The following TLN2 variants were observed in gnomAD, a reference collection of about 807,000 sequenced individuals.
The protein encoded by TLN2 is talin-2.
TLN2 carries 118 observed loss-of-function variants against 294.7 expected under a neutral mutation model. The ratio of observed to expected loss-of-function variants is 0.40; its 90% CI spans 0.34 to 0.47. TLN2 has a LOEUF of 0.47. Among genes scored for constraint, TLN2 ranks in the 20% least tolerant of loss-of-function variants. The pLI is 0.84. For missense variants in TLN2, 3,083 were observed against 3,282.2 expected (o/e 0.94, Z 1.48); for synonymous variants, 1,431 against 1,304.5 (o/e 1.10, Z -2.09).
At chr15:62,704,864 G>C (rs1052943890) in intron 19 of TLN2, among the ~76,000 whole-genome samples, 2 of 152,200 alleles carry the variant, frequency 1.3e-5, no homozygotes, top group Non-Finnish European at 2.9e-5. Flanking sequence ...TTTGTAGGCA[G>C]GTACCTATTT....
At chr15:62,767,330 TTTTC>T (rs2063070769) in intron 41 of TLN2, among the ~76,000 whole-genome samples, 1 of 149,640 alleles carries the variant, frequency 6.7e-6, no homozygotes, top group Non-Finnish European at 1.5e-5. Flanking sequence ...TTTTCTTTTC[TTTTC>T]TTTTCTTTTC....
chr15:62,686,680 C>T lies in TLN2; in HGVS notation c.997C>T (p.Leu333=). 1 of 1,613,976 alleles carries T rather than the reference C, an allele frequency of 6.2e-7. No individual in the cohort carries two copies. The highest frequency in any genetic ancestry group is 8.5e-7 in the Non-Finnish European group (1 of 1,179,928). The change falls in exon 12 of 59, where the codon CTG becomes TTG. Residue 333 remains leucine (L), a synonymous_variant. Transcript: ENST00000636159. ...KGKNKLVPRL[L]GITKDSVMRV... is the part of the protein sequence containing the mutation. ...CAAGAACAAGCTGGTGCCTCGCCTG[C>T]TGGGGATCACCAAAGACTCGGTGAT...
chr15:62,772,469 C>T (rs1028901971), intron 42 of TLN2, among the ~76,000 whole-genome samples: 1 of 152,004 alleles, frequency 6.6e-6, no homozygotes, highest in Non-Finnish European at 1.5e-5. Context: ...CGATAGGGTG[C>T]CCTGCAGTCG....
rs145081974 is a variant in TLN2, at chr15:62,839,630, C to G, written c.7500+649C>G. Reference sequence around the variant, plus strand: ...CTTAAACTTTCTGATGTGTCTCCATCTCGTAAATCCATTTTAGGGGACTGT... The same window carrying G: ...CTTAAACTTTCTGATGTGTCTCCATGTCGTAAATCCATTTTAGGGGACTGT... On this transcript the variant is annotated intron_variant, in intron 58 of 58. Coordinates refer to ENST00000636159, the MANE Select transcript of TLN2 (RefSeq NM_015059.3). Among the ~76,000 whole-genome samples the G allele has an allele frequency of 1.6e-4, 25 of 152,318 alleles. No homozygotes were observed. The East Asian group carries it at 4.8e-3, about 29-fold the overall frequency.
intron 11 of TLN2, among the ~76,000 whole-genome samples, chr15:62,684,663 C>T (rs538882853): frequency 1.7e-4 from 26 of 152,104 alleles, no homozygotes; most frequent in South Asian, 1.5e-3. Flanking sequence ...TTGGCCTTTT[C>T]TCTTTTTGCT....
chr15:62,566,847 C>G (rs1304977727), intron 1 of TLN2, among the ~76,000 whole-genome samples: 1 of 151,904 alleles, frequency 6.6e-6, no homozygotes, highest in Non-Finnish European at 1.5e-5. Flanking sequence ...TCTGCTGTGC[C>G]CAGCCCACTT....
intron 1 of TLN2, among the ~76,000 whole-genome samples, chr15:62,464,914 T>G (rs1249592185): frequency 2.6e-5 from 4 of 152,120 alleles, no homozygotes; most frequent in Non-Finnish European, 5.9e-5. Context: ...TGATTTCGGA[T>G]TTGTACTTGC....
intron 14 of TLN2, among the ~76,000 whole-genome samples, chr15:62,696,733 A>C (rs180851917): frequency 4.3e-4 from 66 of 152,292 alleles, no homozygotes; most frequent in Non-Finnish European, 8.4e-4. Flanking sequence ...TAAAAAATGC[A>C]ATTTTTTCCA....
chr15:62,835,990 C>G lies in TLN2; in HGVS notation c.7291C>G (p.Gln2431Glu). 1 of 1,613,912 alleles carries G rather than the reference C, an allele frequency of 6.2e-7. No homozygotes were observed. Among genetic ancestry groups the G allele is most frequent in the East Asian group, 2.2e-5 (1 of 44,872 alleles). Residue 2431 changes from glutamine (Q) to glutamate (E), a missense_variant, in exon 57 of 59, where the codon CAG becomes GAG. Coordinates refer to ENST00000636159, the MANE Select transcript of TLN2 (RefSeq NM_015059.3). ...GGAGAAGCTCATCTCATCTGCCAAG[C>G]AGGTCGCCGCTTCCACGGCTCAGCT... ...SEEKLISSAK[Q>E]VAASTAQLLV...
chr15:62,461,435 T>C (rs1046801131), intron 1 of TLN2, among the ~76,000 whole-genome samples: 1 of 152,250 alleles, frequency 6.6e-6, no homozygotes, highest in African/African-American at 2.4e-5. Flanking sequence ...TACGTAGGTA[T>C]GTAGGCAGTT....
At chr15:62,766,662 G>A (rs2063027938) in intron 41 of TLN2, among the ~76,000 whole-genome samples, 1 of 152,124 alleles carries the variant, frequency 6.6e-6, no homozygotes, top group Non-Finnish European at 1.5e-5. Flanking sequence ...AGTTTTTCTG[G>A]TTGTGGCCAG....
intron 5 of TLN2, among the ~76,000 whole-genome samples, chr15:62,650,504 A>C (rs2052470278): frequency 6.6e-6 from 1 of 152,220 alleles, no homozygotes; most frequent in Non-Finnish European, 1.5e-5. Context: ...GATGGGAAGT[A>C]AGAACAAATG....
chr15:62,660,832 A>T (rs983049158), intron 9 of TLN2, among the ~76,000 whole-genome samples: 1 of 152,212 alleles, frequency 6.6e-6, no homozygotes, highest in Non-Finnish European at 1.5e-5. Context: ...TTGAATCTAC[A>T]GTCTATGTGG....
chr15:62,746,765 G>A (rs1228446409), intron 32 of TLN2, among the ~76,000 whole-genome samples: 1 of 152,126 alleles, frequency 6.6e-6, no homozygotes, highest in Non-Finnish European at 1.5e-5. Context: ...TCGAATTCTG[G>A]GCCCTGCCAG....
chr15:62,737,375 G>C (rs950064404), intron 29 of TLN2, among the ~76,000 whole-genome samples: 2 of 152,196 alleles, frequency 1.3e-5, no homozygotes, highest in African/African-American at 4.8e-5. Flanking sequence ...TAACATGCTT[G>C]TTTTGGGCCT....
intron 2 of TLN2, among the ~76,000 whole-genome samples, chr15:62,596,740 C>CAAA (rs11345944): frequency 2.2e-5 from 3 of 135,116 alleles, no homozygotes; most frequent in African/African-American, 5.4e-5. Flanking sequence ...GACTCTGTCT[C>CAAA]AAAAAAAAAA....
chr15:62,410,497 C>G (rs2140252582), intron 1 of TLN2, among the ~76,000 whole-genome samples: 1 of 152,296 alleles, frequency 6.6e-6, no homozygotes, highest in South Asian at 2.1e-4. Flanking sequence ...TCACTTTAGC[C>G]ATGCTTTTTG....
chr15:62,641,760 G>A (rs943857435), intron 3 of TLN2, among the ~76,000 whole-genome samples: 7 of 152,218 alleles, frequency 4.6e-5, no homozygotes, highest in African/African-American at 1.7e-4. Context: ...AGGAGACTGA[G>A]GCAGATGGCA....
At chr15:62,810,650 G>C (rs946367870) in intron 52 of TLN2, among the ~76,000 whole-genome samples, 8 of 152,120 alleles carry the variant, frequency 5.3e-5, no homozygotes, top group African/African-American at 1.9e-4. Context: ...GCCTCAGTTT[G>C]TGCAGTTCCT....
Sources: gnomAD v4.1 joint callset for allele counts (sites outside exome capture counted in the v4.1 genomes callset) on GRCh38, gnomAD v4.1.1 for gene constraint, MANE v1.5 for transcripts, NCBI Gene and HGNC (gene_info 2026-07-23, HGNC 2026-07-21) for gene names.